Variants in MSRB3 observed in about 807,000 individuals in gnomAD.
MSRB3 encodes the protein methionine sulfoxide reductase B3.
MSRB3 carries 13 observed loss-of-function variants against 21.0 expected under a neutral mutation model. That is an observed-to-expected ratio of 0.62 (90% confidence interval 0.40 to 0.98). MSRB3 has a LOEUF of 0.98. Among genes scored for constraint, MSRB3 ranks in the 50% least tolerant of loss-of-function variants. The pLI is 0.00. For synonymous variants in MSRB3, 87 were observed against 88.6 expected (o/e 0.98, Z 0.10); for missense variants, 199 against 230.3 (o/e 0.86, Z 0.88).
intron 1 of MSRB3, among the ~76,000 whole-genome samples, chr12:65,279,989 GA>G (rs1005396128): frequency 2.8e-4 from 43 of 152,212 alleles, no homozygotes; most frequent in African/African-American, 1.0e-3. Flanking sequence ...GGCAAACTAG[GA>G]CTCATAAATT....
At chr12:65,429,754 T>A (rs1435669163) in intron 5 of MSRB3, among the ~76,000 whole-genome samples, 2 of 152,178 alleles carry the variant, frequency 1.3e-5, no homozygotes, top group African/African-American at 4.8e-5. Flanking sequence ...AGTAGGCCTT[T>A]AACAACAGCT....
At chr12:65,367,736 G>A (rs986078250) in intron 4 of MSRB3, among the ~76,000 whole-genome samples, 10 of 152,186 alleles carry the variant, frequency 6.6e-5, no homozygotes, top group African/African-American at 2.4e-4. Context: ...ACCTGAAATA[G>A]AAGGCAGGGA....
rs559813673 is a variant in MSRB3 at position 65,392,729 on chromosome 12, C to T, written c.292+23703C>T. Among the ~76,000 whole-genome samples the T allele has an allele frequency of 1.7e-3, 264 of 152,230 alleles. 2 individuals carry two copies. Among genetic ancestry groups the T allele is most frequent in the African/African-American group, 6.1e-3 (252 of 41,538 alleles). ...GTTGCGAGCGTGTAAATTTGGCTGACGTTTTGACTTCTTCAGTACTACTTT... is the reference window on the plus strand; with the variant it reads ...GTTGCGAGCGTGTAAATTTGGCTGATGTTTTGACTTCTTCAGTACTACTTT... On this transcript the variant is annotated intron_variant, in intron 5 of 6. Coordinates refer to ENST00000308259, the MANE Select transcript of MSRB3 (RefSeq NM_001031679.3).
intron 5 of MSRB3, among the ~76,000 whole-genome samples, chr12:65,416,047 A>G (rs767629614): frequency 2.0e-5 from 3 of 152,212 alleles, no homozygotes; most frequent in Non-Finnish European, 2.9e-5. Flanking sequence ...AGTTCACTAT[A>G]TATACAAAGT....
intron 4 of MSRB3, among the ~76,000 whole-genome samples, chr12:65,351,780 G>T (rs560758509): frequency 5.1e-4 from 77 of 151,578 alleles, no homozygotes; most frequent in African/African-American, 1.8e-3. Context: ...TTGAATCTCT[G>T]AATAGACCAA....
intron 5 of MSRB3, 102 bp from the exon 6 acceptor site, chr12:65,453,626 A>G: frequency 1.1e-6 from 1 of 886,722 alleles, no homozygotes; most frequent in Non-Finnish European, 1.9e-6. Context: ...AACATACACT[A>G]AGGATTTTCA....
At chr12:65,416,595 A>G (rs1239499749) in intron 5 of MSRB3, among the ~76,000 whole-genome samples, 1 of 152,216 alleles carries the variant, frequency 6.6e-6, no homozygotes, top group African/African-American at 2.4e-5. Flanking sequence ...CGTACTGAAC[A>G]CTGTAGGCAG....
chr12:65,349,348 G>A (rs1400406528), intron 4 of MSRB3, among the ~76,000 whole-genome samples: 1 of 151,790 alleles, frequency 6.6e-6, no homozygotes, highest in Non-Finnish European at 1.5e-5. Context: ...TTGCTATTGT[G>A]AATAATGCCA....
intron 5 of MSRB3, among the ~76,000 whole-genome samples, chr12:65,422,388 G>GTATATATATATATATATATA (rs59746471): frequency 2.2e-5 from 2 of 92,484 alleles, no homozygotes; most frequent in Non-Finnish European, 2.1e-5. Flanking sequence ...GGAGTACATA[G>GTATATATATATATATATATA]TATATATATA....
chr12:65,298,347 G>A (rs936852006), intron 1 of MSRB3, among the ~76,000 whole-genome samples: 1 of 152,202 alleles, frequency 6.6e-6, no homozygotes, highest in Non-Finnish European at 1.5e-5. Context: ...AGAATAATTA[G>A]TGAAGAAAGA....
intron 5 of MSRB3, 51 bp downstream of exon 5, chr12:65,369,077 C>G: frequency 7.7e-7 from 1 of 1,291,734 alleles, no homozygotes. Flanking sequence ...TTACATTATT[C>G]TCTGAGGAGT....
At chr12:65,440,559 C>T (rs1226591399) in intron 5 of MSRB3, among the ~76,000 whole-genome samples, 1 of 151,712 alleles carries the variant, frequency 6.6e-6, no homozygotes, top group Non-Finnish European at 1.5e-5. Context: ...TTTTTAAACA[C>T]TAAAAGGAAG....
intron 5 of MSRB3, among the ~76,000 whole-genome samples, chr12:65,415,929 T>C (rs1474955559): frequency 6.6e-6 from 1 of 152,124 alleles, no homozygotes; most frequent in Non-Finnish European, 1.5e-5. Flanking sequence ...CACCTAAGGA[T>C]TGCATCCCTG....
At chr12:65,428,504 C>T (rs927851102) in intron 5 of MSRB3, among the ~76,000 whole-genome samples, 3 of 152,286 alleles carry the variant, frequency 2.0e-5, no homozygotes, top group East Asian at 3.9e-4. Flanking sequence ...CAATTCAACA[C>T]TTGCTCTAAT....
rs373936420 is a variant in MSRB3 at position 65,282,797 on chromosome 12, G to T, written c.-52+3932G>T. On this transcript the variant is annotated intron_variant, in intron 1 of 6. Transcript: ENST00000308259. The stretch of plus-strand genomic sequence containing the variant: ...AGCCTTGATCCTAAATTCCTGGGAG[G>T]TAGAACCTGATAGACACAGTTTAGG... Among the ~76,000 whole-genome samples, 118 of 152,126 alleles carry T rather than the reference G, an allele frequency of 7.8e-4. 1 individual carries two copies. Among genetic ancestry groups the T allele is most frequent in the African/African-American group, 2.7e-3 (110 of 41,498 alleles).
chr12:65,426,338 A>G (rs780891917), intron 5 of MSRB3, among the ~76,000 whole-genome samples: 9 of 152,108 alleles, frequency 5.9e-5, no homozygotes, highest in Non-Finnish European at 1.2e-4. Context: ...CTTGGTTGGC[A>G]GTCCCGTCCT....
chr12:65,286,922 G>A (rs1398473253), intron 1 of MSRB3, among the ~76,000 whole-genome samples: 3 of 145,924 alleles, frequency 2.1e-5, no homozygotes, highest in Non-Finnish European at 3.0e-5. Flanking sequence ...TCTGGAGGCT[G>A]AGGTGGGAGA....
chr12:65,314,631 C>T (rs1187224814), intron 2 of MSRB3, among the ~76,000 whole-genome samples: 1 of 151,848 alleles, frequency 6.6e-6, no homozygotes, highest in Non-Finnish European at 1.5e-5. Flanking sequence ...AGATGTTGGG[C>T]ATATGGTTTG....
At chr12:65,314,980 A>G (rs1385414487) in intron 2 of MSRB3, among the ~76,000 whole-genome samples, 1 of 152,156 alleles carries the variant, frequency 6.6e-6, no homozygotes, top group African/African-American at 2.4e-5. Context: ...AAATGAGCTA[A>G]CTCTTGCTCT....
Sources: allele counts gnomAD v4.1 joint callset (sites outside exome capture counted in the v4.1 genomes callset), GRCh38; gene constraint gnomAD v4.1.1; transcripts MANE v1.5; gene names NCBI Gene and HGNC (gene_info 2026-07-23, HGNC 2026-07-21).